The following KCNIP4 variants were observed in gnomAD, a reference collection of about 807,000 sequenced individuals.
The protein encoded by KCNIP4 is potassium voltage-gated channel interacting protein 4, also known as Kv channel-interacting protein 4.
Under a neutral mutation model 34.0 loss-of-function variants are expected in KCNIP4, and 12 were observed. The observed-to-expected ratio is 0.35, with a 90% confidence interval of 0.23 to 0.57. The LOEUF (loss-of-function observed/expected upper bound fraction) is 0.57. Ranked by LOEUF, KCNIP4 falls within the 20% of genes least tolerant of loss-of-function variation. The probability of loss-of-function intolerance (pLI) is 0.83; values close to 1 mark genes in which losing one functional copy is unlikely to be tolerated. For missense variants in KCNIP4, 238 were observed against 311.7 expected, an observed-to-expected ratio of 0.76 and a Z score of 1.78; for synonymous variants, 124 against 102.2, an observed-to-expected ratio of 1.21 and a Z score of -1.29.
intron 1 of KCNIP4, among the ~76,000 whole-genome samples, chr4:21,880,086 T>C (rs1726377814): frequency 6.6e-6 from 1 of 152,158 alleles, no homozygotes; most frequent in African/African-American, 2.4e-5. Context: ...AGGTATGTCT[T>C]ATTAGCGGCG....
At chr4:21,018,148 C>G (rs1345007160) in intron 1 of KCNIP4, among the ~76,000 whole-genome samples, 2 of 152,174 alleles carry the variant, frequency 1.3e-5, no homozygotes, top group Non-Finnish European at 2.9e-5. Context: ...ATAGACAACT[C>G]TGATTCCTCA....
chr4:21,899,136 CA>C (rs1486316208), intron 1 of KCNIP4, among the ~76,000 whole-genome samples: 3 of 152,090 alleles, frequency 2.0e-5, no homozygotes, highest in Non-Finnish European at 4.4e-5. Context: ...TCAACACACA[CA>C]AATCAATCAA....
At chr4:21,387,429 A>C (rs1722129581) in intron 1 of KCNIP4, among the ~76,000 whole-genome samples, 1 of 152,206 alleles carries the variant, frequency 6.6e-6, no homozygotes, top group African/African-American at 2.4e-5. Context: ...AAGGTCTCCT[A>C]AAATACACTT....
intron 1 of KCNIP4, among the ~76,000 whole-genome samples, chr4:21,682,879 T>TA (rs773814588): frequency 2.2e-4 from 34 of 152,226 alleles, no homozygotes; most frequent in Non-Finnish European, 4.4e-4. Context: ...CCAAAACACT[T>TA]ACGATAGTAA....
chr4:21,232,739 CGAA>C (rs1259314059), intron 1 of KCNIP4, among the ~76,000 whole-genome samples: 1 of 152,014 alleles, frequency 6.6e-6, no homozygotes, highest in African/African-American at 2.4e-5. Flanking sequence ...TTCTTGCCTT[CGAA>C]GAAATTTCCC....
At chr4:21,462,805 G>A (rs904687667) in intron 1 of KCNIP4, among the ~76,000 whole-genome samples, 1 of 130,388 alleles carries the variant, frequency 7.7e-6, no homozygotes, top group Admixed American at 7.6e-5. Context: ...GTGTGTGTGT[G>A]TATGTGTGTC....
Position 20,803,703 on chromosome 4 carries a change from AAGAG to A in KCNIP4, c.289-44817_289-44814del, listed in dbSNP as rs57764706. On this transcript the variant is annotated intron_variant, in intron 3 of 8. Transcript: ENST00000382152. ...AGAAAGAGAGGGAGAGAGAGAGAGA[AAGAG>A]AGAGAGAGAGAGAGAGAGAGAGGAA... Among the ~76,000 whole-genome samples, 979 of 125,790 alleles carry A rather than the reference AAGAG, an allele frequency of 7.8e-3. 11 individuals carry two copies. Among genetic ancestry groups the A allele is most frequent in the East Asian group, 0.017 (65 of 3,776 alleles). 82.5% of individuals were successfully genotyped at this position (125,790 alleles called of 152,430 possible).
intron 1 of KCNIP4, among the ~76,000 whole-genome samples, chr4:20,948,980 C>T (rs1732484649): frequency 6.6e-6 from 1 of 152,090 alleles, no homozygotes; most frequent in Non-Finnish European, 1.5e-5. Context: ...GAATCCCTGC[C>T]ACCCCTTTTG....
At chr4:20,855,465 G>A (rs1417004964) in intron 2 of KCNIP4, among the ~76,000 whole-genome samples, 1 of 152,090 alleles carries the variant, frequency 6.6e-6, no homozygotes, top group African/African-American at 2.4e-5. Context: ...TGTCCCATGG[G>A]TCAGTTGGAA....
chr4:21,877,883 A>C (rs1726225861), intron 1 of KCNIP4, among the ~76,000 whole-genome samples: 4 of 152,208 alleles, frequency 2.6e-5, no homozygotes, highest in Admixed American at 2.6e-4. Flanking sequence ...ATAGACACTG[A>C]GGAATGTTCT....
intron 1 of KCNIP4, among the ~76,000 whole-genome samples, chr4:21,433,504 C>T (rs1446365392): frequency 6.6e-6 from 1 of 152,190 alleles, no homozygotes; most frequent in Non-Finnish European, 1.5e-5. Flanking sequence ...TTTAGCCACA[C>T]CTAGCTAACC....
chr4:21,169,667 T>C lies in KCNIP4; in HGVS notation c.62-286958A>G, dbSNP rs968811964. 4.8e-3 allele frequency among the ~76,000 whole-genome samples: 688 copies of C among 144,806 alleles called. 7 individuals are homozygous for C. Among genetic ancestry groups the C allele is most frequent in the African/African-American group, 0.015 (548 of 36,460 alleles). The allele number at this position is 144,806 out of a possible 152,430, so 95.0% of individuals were successfully genotyped here. A position where few individuals can be genotyped will look rare whatever the true frequency, so the allele number is the denominator to read the frequency against. The stretch of plus-strand genomic sequence containing the variant: ...TGTAGTCATACTTTATATTTGTGTG[T>C]GTGTGTGTGTGTGTGTGTGTGTGTG... On this transcript the variant is annotated intron_variant, in intron 1 of 8. Transcript: ENST00000382152.
At chr4:21,711,039 A>T in intron 1 of KCNIP4, among the ~76,000 whole-genome samples, 1 of 152,266 alleles carries the variant, frequency 6.6e-6, no homozygotes, top group East Asian at 1.9e-4. Context: ...TGGTTAAGTA[A>T]TAAAGCAAGT....
intron 1 of KCNIP4, among the ~76,000 whole-genome samples, chr4:21,119,252 A>G (rs73802496): frequency 0.14 from 20,763 of 151,926 alleles, 1,753 homozygotes; most frequent in African/African-American, 0.24. Flanking sequence ...GTGGAACTTT[A>G]GCTTCCTCCA....
At chr4:21,945,055 A>G (rs921106996) in intron 1 of KCNIP4, among the ~76,000 whole-genome samples, 1 of 152,184 alleles carries the variant, frequency 6.6e-6, no homozygotes, top group African/African-American at 2.4e-5. Context: ...AAAAAAACAC[A>G]TTCTGTTATG....
intron 1 of KCNIP4, among the ~76,000 whole-genome samples, chr4:21,499,449 A>G (rs1050583251): frequency 6.6e-6 from 1 of 152,142 alleles, no homozygotes; most frequent in Non-Finnish European, 1.5e-5. Flanking sequence ...TTCAAACTTA[A>G]TGGAATTCTG....
chr4:20,823,623 C>A (rs748956483), intron 3 of KCNIP4, among the ~76,000 whole-genome samples: 2 of 152,170 alleles, frequency 1.3e-5, no homozygotes, highest in Non-Finnish European at 2.9e-5. Context: ...AGCAAACAAT[C>A]TGAACCAGGA....
At chr4:20,863,311 T>C (rs904569914) in intron 2 of KCNIP4, among the ~76,000 whole-genome samples, 2 of 152,158 alleles carry the variant, frequency 1.3e-5, no homozygotes, top group South Asian at 2.1e-4. Context: ...CTTCTGTTCC[T>C]GAGTGGGATC....
intron 1 of KCNIP4, among the ~76,000 whole-genome samples, chr4:21,598,767 C>A (rs1036346530): frequency 6.6e-6 from 1 of 152,072 alleles, no homozygotes; most frequent in Non-Finnish European, 1.5e-5. Flanking sequence ...CACCCTGGTT[C>A]TTTTGCATTC....
Sources: allele counts gnomAD v4.1 joint callset (sites outside exome capture counted in the v4.1 genomes callset), GRCh38; gene constraint gnomAD v4.1.1; transcripts MANE v1.5; gene names NCBI Gene and HGNC (gene_info 2026-07-23, HGNC 2026-07-21).